TRDN: variants seen among roughly 807,000 people sequenced by gnomAD.
The protein encoded by TRDN is triadin in skeletal muscle.
In TRDN, 161 loss-of-function variants were observed where a neutral mutation model predicts 149.7. That is an observed-to-expected ratio of 1.08 (90% CI 0.95 to 1.23). The LOEUF is 1.23. Among genes scored for constraint, TRDN ranks in the 50% most tolerant of loss-of-function variants. TRDN has a pLI of 0.00. For synonymous variants in TRDN, 294 were observed against 250.5 expected (o/e 1.17, Z -1.64); for missense variants, 896 against 823.5 (o/e 1.09, Z -1.08).
intron 19 of TRDN, among the ~76,000 whole-genome samples, chr6:123,373,217 A>T (rs1781386231): frequency 6.6e-6 from 1 of 152,096 alleles, no homozygotes; most frequent in South Asian, 2.1e-4. Flanking sequence ...CATGGGGGCA[A>T]GTCTTCCCTA....
At chr6:123,260,702 G>A (rs1776737373) in intron 33 of TRDN, 64 bp from the exon 34 acceptor site, 1 of 1,273,666 alleles carries the variant, frequency 7.9e-7, no homozygotes, top group Non-Finnish European at 1.0e-6. Context: ...AAAAAGTATA[G>A]TTTTTTATTC....
At chr6:123,469,712 A>C (rs1777041869) in intron 9 of TRDN, 1 of 153,410 alleles carries the variant, frequency 6.5e-6, no homozygotes, top group Non-Finnish European at 1.5e-5. Context: ...GCCTGGATGA[A>C]AAAACAAAGA....
intron 1 of TRDN, among the ~76,000 whole-genome samples, chr6:123,631,620 T>C (rs1265052648): frequency 6.6e-6 from 1 of 152,072 alleles, no homozygotes; most frequent in Admixed American, 6.6e-5. Flanking sequence ...CGAATAAATT[T>C]GGTGACCAGA....
intron 24 of TRDN, among the ~76,000 whole-genome samples, chr6:123,288,819 G>T (rs368537289): frequency 6.6e-6 from 1 of 151,850 alleles, no homozygotes; most frequent in South Asian, 2.1e-4. Context: ...TAGCATGAAG[G>T]CTCCTCAAAA....
chr6:123,526,305 T>C (rs960594937), intron 5 of TRDN, among the ~76,000 whole-genome samples: 1 of 151,864 alleles, frequency 6.6e-6, no homozygotes, highest in African/African-American at 2.4e-5. Context: ...CTGATAGATA[T>C]GTACAAATGC....
intron 4 of TRDN, among the ~76,000 whole-genome samples, chr6:123,543,440 C>T (rs1780950678): frequency 6.6e-6 from 1 of 152,112 alleles, no homozygotes; most frequent in African/African-American, 2.4e-5. Context: ...AGGCATAAAA[C>T]ATGTCCGAAT....
At chr6:123,619,278 C>A (rs1019713009) in intron 1 of TRDN, among the ~76,000 whole-genome samples, 45 of 152,174 alleles carry the variant, frequency 3.0e-4, no homozygotes, top group Non-Finnish European at 5.3e-4. Context: ...GTATGGCCTG[C>A]CTCTGCTCCA....
At chr6:123,390,171 C>A (rs1782054094) in intron 13 of TRDN, among the ~76,000 whole-genome samples, 1 of 152,080 alleles carries the variant, frequency 6.6e-6, no homozygotes, top group Non-Finnish European at 1.5e-5. Context: ...AAACACACAT[C>A]TAAAGGGCAA....
intron 38 of TRDN, among the ~76,000 whole-genome samples, chr6:123,225,320 G>C (rs1049954099): frequency 1.3e-5 from 2 of 151,666 alleles, no homozygotes; most frequent in African/African-American, 4.8e-5. Flanking sequence ...AAAGCAGTAT[G>C]GAGGTTCCTC....
chr6:123,342,110 T>C lies in TRDN; in HGVS notation c.1370-4441A>G, dbSNP rs555564420. ...TCATATATACACACTTTGATATTCT[T>C]ATCCTTATGCGCCTTAATAATCTGA... On this transcript the variant is annotated intron_variant, in intron 21 of 40. Transcript: ENST00000334268. Among the ~76,000 whole-genome samples the C allele has an allele frequency of 3.9e-5, 6 of 152,092 alleles. No homozygotes were observed. The South Asian group carries it at 1.2e-3, about 31-fold the overall frequency.
At chr6:123,614,308 A>C (rs533203781) in intron 1 of TRDN, among the ~76,000 whole-genome samples, 61 of 144,518 alleles carry the variant, frequency 4.2e-4, no homozygotes, top group African/African-American at 1.5e-3. Context: ...AACAAAAAAA[A>C]AAAAAACAAA....
chr6:123,331,535 T>C (rs953441116), intron 23 of TRDN, among the ~76,000 whole-genome samples: 1 of 152,042 alleles, frequency 6.6e-6, no homozygotes, highest in African/African-American at 2.4e-5. Flanking sequence ...ACTATTTCAT[T>C]TTATCTTAAA....
chr6:123,384,697 G>T (rs984916596), intron 14 of TRDN, among the ~76,000 whole-genome samples: 3 of 151,920 alleles, frequency 2.0e-5, no homozygotes, highest in Non-Finnish European at 4.4e-5. Flanking sequence ...AATAAAACAC[G>T]ATATGAAGTC....
In TRDN at chr6:123,353,872, A is replaced by C. The variant is rs540746025; in HGVS notation, c.1322-1286T>G. ...GATGTTAAACTAAAAGCAAATAAAT[A>C]TGTATGAACCTCACAGATCACACCT... is the stretch of plus-strand genomic sequence containing the variant. On this transcript the variant is annotated intron_variant, in intron 20 of 40. Transcript: ENST00000334268. Among the ~76,000 whole-genome samples, 4 of 151,936 alleles carry C rather than the reference A, an allele frequency of 2.6e-5. No homozygotes were observed. In the East Asian group the frequency reaches 5.8e-4, roughly 22 times the overall value.
intron 23 of TRDN, among the ~76,000 whole-genome samples, chr6:123,330,830 T>C (rs1406099551): frequency 3.3e-5 from 5 of 152,032 alleles, no homozygotes; most frequent in Admixed American, 6.6e-5. Flanking sequence ...CTCTTACTCA[T>C]CTTTCTGTCA....
intron 9 of TRDN, among the ~76,000 whole-genome samples, chr6:123,465,458 A>G (rs1158492793): frequency 2.0e-5 from 3 of 151,872 alleles, no homozygotes; most frequent in Admixed American, 6.6e-5. Flanking sequence ...GAACAGATAC[A>G]TTTTTCCCTA....
At chr6:123,281,159 A>C (rs1277096133) in intron 24 of TRDN, among the ~76,000 whole-genome samples, 2 of 152,122 alleles carry the variant, frequency 1.3e-5, no homozygotes, top group East Asian at 3.9e-4. Context: ...AACCATTTAC[A>C]GTGTTCTTAA....
chr6:123,289,750 AGT>A (rs1015321920), intron 24 of TRDN, among the ~76,000 whole-genome samples: 3 of 152,158 alleles, frequency 2.0e-5, no homozygotes, highest in African/African-American at 7.2e-5. Context: ...CCTATGGGGT[AGT>A]CTCTTTTCCC....
At chr6:123,237,307 T>C (rs1454108835) in intron 38 of TRDN, among the ~76,000 whole-genome samples, 1 of 152,152 alleles carries the variant, frequency 6.6e-6, no homozygotes, top group Non-Finnish European at 1.5e-5. Flanking sequence ...TGGAGTGCAG[T>C]GGCACAATCT....
Sources: gnomAD v4.1 joint callset for allele counts (sites outside exome capture counted in the v4.1 genomes callset) on GRCh38, gnomAD v4.1.1 for gene constraint, MANE v1.5 for transcripts, NCBI Gene and HGNC (gene_info 2026-07-23, HGNC 2026-07-21) for gene names.